The following IL33 variants were observed in gnomAD, a reference collection of about 807,000 sequenced individuals.
The protein encoded by IL33 is interleukin-33.
In IL33, 37 loss-of-function variants were observed where a neutral mutation model predicts 27.3. That is an observed-to-expected ratio of 1.36 (90% CI 1.04 to 1.78). The LOEUF (loss-of-function observed/expected upper bound fraction) is 1.78, where lower values mean the gene tolerates loss of function less well. Ranked by LOEUF, IL33 falls within the 40% of genes most tolerant of loss-of-function variation. The pLI, the probability that IL33 is intolerant of heterozygous loss-of-function variation, is 0.00. For synonymous variants in IL33, 132 were observed against 102.9 expected (o/e 1.28, Z -1.71); for missense variants, 406 against 311.4 (o/e 1.30, Z -2.29).
In IL33 at chr9:6,256,688, G is replaced by C. The variant is rs1293996673; in HGVS notation, c.*520G>C. 1 of 200,038 alleles carries C rather than the reference G, an allele frequency of 5.0e-6. No homozygotes were observed. Among genetic ancestry groups the C allele is most frequent in the Admixed American group, 6.0e-5 (1 of 16,688 alleles). 12.4% of individuals were successfully genotyped at this position (200,038 alleles called of 1,614,324 possible). On this transcript the variant is annotated 3_prime_UTR_variant, in exon 8 of 8. Transcript: ENST00000682010. ...GAATAAAACACCAGGTTTGTTTGTAGATGTCTTAGGCAACACTCAGAGCAG... is the reference window on the plus strand; with the variant it reads ...GAATAAAACACCAGGTTTGTTTGTACATGTCTTAGGCAACACTCAGAGCAG...
chr9:6,224,479 T>C (rs1263833683), intron 1 of IL33, among the ~76,000 whole-genome samples: 1 of 152,192 alleles, frequency 6.6e-6, no homozygotes. Flanking sequence ...AATCAGCTGA[T>C]AGGATTTAGA....
At chr9:6,241,644 G>A (rs1442409758) in intron 1 of IL33, 40 bp from the exon 2 acceptor site, 4 of 1,284,676 alleles carry the variant, frequency 3.1e-6, no homozygotes, top group Non-Finnish European at 4.4e-6. Flanking sequence ...TTGTTTTTAA[G>A]TTGAGACAAA....
rs200982905 is a variant in IL33 at position 6,218,899 on chromosome 9, CATATATATATATATATATATATAT to C, written c.-12+3068_-12+3091del. 1.5e-3 allele frequency among the ~76,000 whole-genome samples: 33 copies of C among 22,678 alleles called. No individual in the cohort carries two copies. The East Asian group carries it at 0.039, about 27-fold the overall frequency. The allele number at this position is 22,678 out of a possible 152,430, so 14.9% of individuals were successfully genotyped here. Reference sequence around the variant, plus strand: ...GTTCTCCATATATATATATGTTCTCCATATATATATATATATATATATATATATATATATATATATATATGTCTA... The same window carrying C: ...GTTCTCCATATATATATATGTTCTCCATATATATATATATATATATGTCTA... On this transcript the variant is annotated intron_variant, in intron 1 of 7. Transcript: ENST00000682010.
At chr9:6,230,547 C>T (rs1216146093) in intron 1 of IL33, among the ~76,000 whole-genome samples, 1 of 152,148 alleles carries the variant, frequency 6.6e-6, no homozygotes, top group African/African-American at 2.4e-5. Flanking sequence ...GTCACACTCC[C>T]CTGTGCTCCC....
At position 6,254,544 on chromosome 9, in the gene IL33, C is replaced by T. The variant is rs35277373; in HGVS notation, c.603C>T (p.His201=). 6.3e-7 allele frequency: 1 copy of T among 1,578,578 alleles called. No homozygotes were observed. The highest frequency in any genetic ancestry group is 8.6e-7 in the Non-Finnish European group (1 of 1,163,438). ...GGTTGCATGCCAACAACAAGGAACA[C>T]TCTGTGGAGGTAAAAAAAAAAAATT... ...DFWLHANNKE[H]SVELHKCEKP... Residue 201 remains histidine (H), a synonymous_variant, in exon 7 of 8, where the codon CAC becomes CAT. Transcript: ENST00000682010.
chr9:6,253,334 C>T (rs1420588389), intron 5 of IL33, among the ~76,000 whole-genome samples: 2 of 152,164 alleles, frequency 1.3e-5, no homozygotes, highest in East Asian at 3.8e-4. Flanking sequence ...TATGCCACTG[C>T]TATGAAAAAT....
intron 1 of IL33, among the ~76,000 whole-genome samples, chr9:6,238,210 C>G (rs1267160108): frequency 2.0e-5 from 3 of 152,124 alleles, no homozygotes; most frequent in African/African-American, 7.2e-5. Flanking sequence ...GTTTCATAAT[C>G]CTGGGTGAGG....
chr9:6,237,429 C>T (rs1819285697), intron 1 of IL33, among the ~76,000 whole-genome samples: 1 of 152,158 alleles, frequency 6.6e-6, no homozygotes, highest in Non-Finnish European at 1.5e-5. Context: ...TTGACTTTCT[C>T]TGTGTCAATG....
At chr9:6,227,505 G>A (rs963105908) in intron 1 of IL33, among the ~76,000 whole-genome samples, 1 of 152,158 alleles carries the variant, frequency 6.6e-6, no homozygotes, top group Non-Finnish European at 1.5e-5. Context: ...TTTATAATGA[G>A]TAAATATAAA....
intron 1 of IL33, among the ~76,000 whole-genome samples, chr9:6,225,523 G>A (rs938103184): frequency 6.6e-6 from 1 of 152,098 alleles, no homozygotes; most frequent in Non-Finnish European, 1.5e-5. Context: ...GTAAAATAAG[G>A]AGTTTTAGGC....
At chr9:6,226,153 G>A (rs1055022697) in intron 1 of IL33, among the ~76,000 whole-genome samples, 3 of 151,838 alleles carry the variant, frequency 2.0e-5, no homozygotes, top group South Asian at 2.1e-4. Context: ...GACTACAGGT[G>A]TGTGCCACCA....
intron 1 of IL33, among the ~76,000 whole-genome samples, chr9:6,238,796 G>C (rs1042187385): frequency 6.6e-6 from 1 of 152,186 alleles, no homozygotes; most frequent in Non-Finnish European, 1.5e-5. Flanking sequence ...GAGAGTTTAA[G>C]ACTGGAGAAG....
At position 6,256,371 on chromosome 9, in the gene IL33, A is replaced by C; in HGVS notation, c.*203A>C. 1 of 563,474 alleles carries C rather than the reference A, an allele frequency of 1.8e-6. No individual in the cohort carries two copies. The allele number at this position is 563,474 out of a possible 1,614,324, so 34.9% of individuals were successfully genotyped here. A position where few individuals can be genotyped will look rare whatever the true frequency, so the allele number is the denominator to read the frequency against. On this transcript the variant is annotated 3_prime_UTR_variant, in exon 8 of 8. Coordinates refer to ENST00000682010, the MANE Select transcript of IL33 (RefSeq NM_033439.4). ...TTTCCCTCTGTATAACTGCATCTTC[A>C]ATACAAGTATCAGTATATTAAATAG...
At chr9:6,236,587 G>A (rs1488542238) in intron 1 of IL33, among the ~76,000 whole-genome samples, 1 of 152,182 alleles carries the variant, frequency 6.6e-6, no homozygotes, top group Non-Finnish European at 1.5e-5. Flanking sequence ...CTACAACTAG[G>A]CCGGGTGCAG....
At chr9:6,235,374 T>C (rs1477908347) in intron 1 of IL33, among the ~76,000 whole-genome samples, 3 of 152,170 alleles carry the variant, frequency 2.0e-5, no homozygotes, top group Non-Finnish European at 4.4e-5. Flanking sequence ...AAAGTAACAC[T>C]GAGTCAATCA....
intron 1 of IL33, among the ~76,000 whole-genome samples, chr9:6,232,819 C>G (rs1462420317): frequency 6.6e-6 from 1 of 152,178 alleles, no homozygotes; most frequent in Non-Finnish European, 1.5e-5. Flanking sequence ...TGCTTTGACT[C>G]TTTAACACTC....
At chr9:6,233,064 T>C (rs190426577) in intron 1 of IL33, among the ~76,000 whole-genome samples, 1 of 152,336 alleles carries the variant, frequency 6.6e-6, no homozygotes, top group East Asian at 1.9e-4. Context: ...TCAGTGGCAT[T>C]CACATTGTTG....
rs566689798 is a variant in IL33, at chr9:6,248,752, T to A, written c.92-1722T>A. 2.5e-3 allele frequency among the ~76,000 whole-genome samples: 382 copies of A among 151,768 alleles called. 2 individuals carry two copies. The highest frequency in any genetic ancestry group is 6.8e-3 in the Middle Eastern group (2 of 294). ...ACCATGCCCAGCTACTTTTTTTTTT[T>A]AAATTTTTTGTAGAGACGGTCTTAC... On this transcript the variant is annotated intron_variant, in intron 2 of 7. Coordinates refer to ENST00000682010, the MANE Select transcript of IL33 (RefSeq NM_033439.4).
chr9:6,246,198 T>C (rs1270124596), intron 2 of IL33, among the ~76,000 whole-genome samples: 1 of 151,526 alleles, frequency 6.6e-6, no homozygotes, highest in Non-Finnish European at 1.5e-5. Flanking sequence ...TTTTTTATTA[T>C]AAGGACTGCC....
Sources: allele counts gnomAD v4.1 joint callset (sites outside exome capture counted in the v4.1 genomes callset), GRCh38; gene constraint gnomAD v4.1.1; transcripts MANE v1.5; gene names NCBI Gene and HGNC (gene_info 2026-07-23, HGNC 2026-07-21).